The following GALNT13 variants were observed in gnomAD, a reference collection of about 807,000 sequenced individuals.
The protein encoded by GALNT13 is polypeptide N-acetylgalactosaminyltransferase 13, also known as UDP-GalNAc:polypeptide N-acetylgalactosaminyltransferase 13.
GALNT13 carries 28 observed loss-of-function variants against 64.2 expected under a neutral mutation model. That is an observed-to-expected ratio of 0.44 (90% CI 0.32 to 0.60). The LOEUF (loss-of-function observed/expected upper bound fraction) is 0.60. Among genes scored for constraint, GALNT13 ranks in the 20% least tolerant of loss-of-function variants. GALNT13 has a pLI of 0.05. For missense variants in GALNT13, 577 were observed against 669.8 expected (o/e 0.86, Z 1.53); for synonymous variants, 214 against 224.6 (o/e 0.95, Z 0.42).
chr2:153,579,105 A>G, the GALNT13 span, among the ~76,000 whole-genome samples: 9 of 152,300 alleles, frequency 5.9e-5, no homozygotes, highest in East Asian at 1.2e-3. Context: ...AGCTCATCCA[A>G]TGGGAAAACC....
At chr2:154,194,634 T>C (rs1159402102) in intron 4 of GALNT13, among the ~76,000 whole-genome samples, 1 of 152,166 alleles carries the variant, frequency 6.6e-6, no homozygotes, top group African/African-American at 2.4e-5. Flanking sequence ...CAGGGTAAAC[T>C]TTTTCAGGTT....
At chr2:153,288,912 C>A in the GALNT13 span, among the ~76,000 whole-genome samples, 1 of 152,136 alleles carries the variant, frequency 6.6e-6, no homozygotes, top group African/African-American at 2.4e-5. Context: ...ATATAAATAG[C>A]TACATATAAA....
At chr2:153,417,039 A>G in the GALNT13 span, among the ~76,000 whole-genome samples, 4 of 152,178 alleles carry the variant, frequency 2.6e-5, no homozygotes, top group Admixed American at 6.5e-5. Flanking sequence ...AGGGATCACA[A>G]ATTTTTCAGA....
chr2:153,845,136 C>T, the GALNT13 span, among the ~76,000 whole-genome samples: 5 of 152,260 alleles, frequency 3.3e-5, no homozygotes, highest in Non-Finnish European at 2.9e-5. Context: ...CATTTTCAGG[C>T]ATCTTTGTAG....
intron 4 of GALNT13, among the ~76,000 whole-genome samples, chr2:154,214,224 A>G (rs532900846): frequency 3.3e-5 from 5 of 152,298 alleles, no homozygotes; most frequent in Middle Eastern, 3.4e-3. Flanking sequence ...CTGACAACCA[A>G]TAACCAATCC....
chr2:153,851,044 A>G, the GALNT13 span, among the ~76,000 whole-genome samples: 1 of 152,136 alleles, frequency 6.6e-6, no homozygotes, highest in Non-Finnish European at 1.5e-5. Context: ...TTTGATGAAA[A>G]TTATCAGCCC....
chr2:153,901,045 A>G (rs1688200823), intron 2 of GALNT13, 38 bp downstream of exon 2: 6 of 152,166 alleles, frequency 3.9e-5, no homozygotes, highest in Admixed American at 3.3e-4. Flanking sequence ...AATTGCAGTC[A>G]TGTTCGATTA....
At chr2:153,900,358 C>T (rs988096698) in intron 1 of GALNT13, among the ~76,000 whole-genome samples, 1 of 152,066 alleles carries the variant, frequency 6.6e-6, no homozygotes. Context: ...TATTCTGAAA[C>T]ACAGAGAATG....
At chr2:154,167,803 G>A (rs571951180) in intron 4 of GALNT13, among the ~76,000 whole-genome samples, 7 of 152,242 alleles carry the variant, frequency 4.6e-5, no homozygotes, top group Admixed American at 3.9e-4. Context: ...CTTGGGGGGC[G>A]AGAACCTGTG....
chr2:153,267,341 G>C, the GALNT13 span, among the ~76,000 whole-genome samples: 1 of 152,152 alleles, frequency 6.6e-6, no homozygotes. Flanking sequence ...CCCTAGTAGA[G>C]GTTTTCTATA....
chr2:153,941,683 T>C (rs1002233167), intron 2 of GALNT13, among the ~76,000 whole-genome samples: 3 of 152,226 alleles, frequency 2.0e-5, no homozygotes, highest in Non-Finnish European at 2.9e-5. Flanking sequence ...TTAAGAGGAA[T>C]ATTGAAATAC....
At chr2:154,440,821 T>A (rs1701253167) in intron 12 of GALNT13, among the ~76,000 whole-genome samples, 1 of 152,284 alleles carries the variant, frequency 6.6e-6, no homozygotes, top group South Asian at 2.1e-4. Flanking sequence ...GTAGGAATAA[T>A]ACATTGCCTT....
chr2:154,402,956 T>C (rs998628181), intron 10 of GALNT13, among the ~76,000 whole-genome samples: 7 of 152,168 alleles, frequency 4.6e-5, no homozygotes, highest in African/African-American at 1.7e-4. Context: ...TCCCATATGC[T>C]AGTATTGAGA....
intron 7 of GALNT13, among the ~76,000 whole-genome samples, chr2:154,252,043 T>C (rs1690096828): frequency 6.6e-6 from 1 of 152,116 alleles, no homozygotes; most frequent in Non-Finnish European, 1.5e-5. Flanking sequence ...GAAAATGTAA[T>C]TAACACAGAT....
At chr2:153,180,969 A>G in the GALNT13 span, among the ~76,000 whole-genome samples, 23 of 127,472 alleles carry the variant, frequency 1.8e-4, no homozygotes, top group African/African-American at 5.5e-4. Context: ...ATTTAGTTGC[A>G]TTGATCTTTT....
the GALNT13 span, among the ~76,000 whole-genome samples, chr2:153,154,294 G>C: frequency 6.6e-6 from 1 of 152,126 alleles, no homozygotes; most frequent in African/African-American, 2.4e-5. Flanking sequence ...TGCACATGCT[G>C]TCTTGCCTGC....
At chr2:154,261,939 T>A (rs2105906206) in intron 8 of GALNT13, among the ~76,000 whole-genome samples, 1 of 152,204 alleles carries the variant, frequency 6.6e-6, no homozygotes, top group East Asian at 1.9e-4. Flanking sequence ...ATGTTAAGAT[T>A]CTGACTCACC....
chr2:153,595,905 T>C, the GALNT13 span, among the ~76,000 whole-genome samples: 1 of 152,216 alleles, frequency 6.6e-6, no homozygotes, highest in Non-Finnish European at 1.5e-5. Flanking sequence ...AAATAAGTGG[T>C]ATAAATATTT....
At chr2:153,274,586 C>G in the GALNT13 span, among the ~76,000 whole-genome samples, 620 of 152,280 alleles carry the variant, frequency 4.1e-3, 6 homozygotes, top group African/African-American at 0.014. Context: ...GCTGACTTCT[C>G]TATATCTTGG....
Sources: gnomAD v4.1 joint callset for allele counts (sites outside exome capture counted in the v4.1 genomes callset) on GRCh38, gnomAD v4.1.1 for gene constraint, MANE v1.5 for transcripts, NCBI Gene and HGNC (gene_info 2026-07-23, HGNC 2026-07-21) for gene names.